Variants in NRXN3 observed in about 807,000 individuals in gnomAD.
NRXN3 encodes neurexin III.
NRXN3 carries 32 observed loss-of-function variants against 137.6 expected under a neutral mutation model. The observed-to-expected ratio is 0.23, with a 90% confidence interval of 0.18 to 0.31. NRXN3 has a LOEUF of 0.31. Ranked by LOEUF, NRXN3 falls within the 10% of genes least tolerant of loss-of-function variation. NRXN3 has a pLI of 1.00. For synonymous variants in NRXN3, 798 were observed against 784.5 expected, an observed-to-expected ratio of 1.02 and a Z score of -0.29; for missense variants, 1,574 against 2,062.5, an observed-to-expected ratio of 0.76 and a Z score of 4.59.
In NRXN3 at chr14:78,649,371, C is replaced by T. The variant is rs555699183; in HGVS notation, c.1060-1794C>T. ...TTTGCCGTGTGTTGCCCCCCTTTTC[C>T]TCTCCAACCCCCCCTTTTATCCTCT... On this transcript the variant is annotated intron_variant, in intron 5 of 20. Transcript: ENST00000335750. 4.8e-5 allele frequency: 31 copies of T among 643,852 alleles called. 2 individuals carry two copies. In the East Asian group the frequency reaches 1.9e-3, roughly 40 times the overall value. The allele number at this position is 643,852 out of a possible 1,614,324, so 39.9% of individuals were successfully genotyped here. A position where few individuals can be genotyped will look rare whatever the true frequency, so the allele number is the denominator to read the frequency against.
At chr14:78,354,657 A>G (rs2084010882) in intron 4 of NRXN3, among the ~76,000 whole-genome samples, 1 of 152,232 alleles carries the variant, frequency 6.6e-6, no homozygotes, top group East Asian at 1.9e-4. Flanking sequence ...CCCTGTTTCT[A>G]GAAGAGCTTA....
chr14:79,780,876 T>A (rs2099111542), intron 19 of NRXN3, among the ~76,000 whole-genome samples: 1 of 152,080 alleles, frequency 6.6e-6, no homozygotes, highest in Admixed American at 6.6e-5. Context: ...CTGCCAAAAA[T>A]GAGGAAATAT....
chr14:78,512,749 C>T (rs188294869), intron 4 of NRXN3, among the ~76,000 whole-genome samples: 77 of 152,162 alleles, frequency 5.1e-4, no homozygotes, highest in Non-Finnish European at 7.4e-5. Flanking sequence ...CAATTCCTGC[C>T]AAAGTTCTCC....
At chr14:78,492,782 TG>T (rs1386972271) in intron 4 of NRXN3, among the ~76,000 whole-genome samples, 1 of 152,180 alleles carries the variant, frequency 6.6e-6, no homozygotes, top group African/African-American at 2.4e-5. Flanking sequence ...TATCCTTCAT[TG>T]TTGTTTTAAA....
At chr14:78,617,031 T>G (rs1373455485) in intron 4 of NRXN3, among the ~76,000 whole-genome samples, 1 of 152,188 alleles carries the variant, frequency 6.6e-6, no homozygotes, top group Non-Finnish European at 1.5e-5. Flanking sequence ...CTAACCTAAA[T>G]AATCTCTGAT....
chr14:79,578,517 C>G (rs2097686430), intron 16 of NRXN3, among the ~76,000 whole-genome samples: 1 of 152,090 alleles, frequency 6.6e-6, no homozygotes, highest in Non-Finnish European at 1.5e-5. Flanking sequence ...ACTCACAACC[C>G]CCACCATAAG....
chr14:79,028,108 T>C (rs1315100198), intron 15 of NRXN3, among the ~76,000 whole-genome samples: 1 of 152,162 alleles, frequency 6.6e-6, no homozygotes, highest in Non-Finnish European at 1.5e-5. Flanking sequence ...AAGGATCCAA[T>C]AAATATTGGC....
In NRXN3 at chr14:78,866,766, C is replaced by A. The variant is rs115204897; in HGVS notation, c.2275+56422C>A. On this transcript the variant is annotated intron_variant, in intron 10 of 20. Transcript: ENST00000335750. The stretch of plus-strand genomic sequence containing the variant: ...AGAAGTATAAACAATAAAAATACTA[C>A]CATGTTGCATGCATGTATTACCTTC... Among the ~76,000 whole-genome samples, 337 of 151,304 alleles carry A rather than the reference C, an allele frequency of 2.2e-3. 2 individuals carry two copies. The highest frequency in any genetic ancestry group is 8.0e-3 in the African/African-American group (329 of 41,210).
At chr14:78,254,045 C>T (rs1161939387) in intron 2 of NRXN3, among the ~76,000 whole-genome samples, 1 of 152,184 alleles carries the variant, frequency 6.6e-6, no homozygotes, top group Admixed American at 6.5e-5. Flanking sequence ...CAGGAATTAA[C>T]CCTTGTGCCA....
intron 16 of NRXN3, among the ~76,000 whole-genome samples, chr14:79,493,573 T>C (rs74070215): frequency 0.037 from 5,615 of 152,304 alleles, 351 homozygotes; most frequent in African/African-American, 0.13. Context: ...TGAAGTCATC[T>C]TAAAGCTAGT....
At chr14:78,890,229 A>G (rs2099155113) in intron 10 of NRXN3, among the ~76,000 whole-genome samples, 1 of 152,006 alleles carries the variant, frequency 6.6e-6, no homozygotes, top group Non-Finnish European at 1.5e-5. Flanking sequence ...AGGATAATCT[A>G]CAAAATACAT....
At chr14:78,774,225 A>G (rs2098737977) in intron 8 of NRXN3, among the ~76,000 whole-genome samples, 1 of 152,348 alleles carries the variant, frequency 6.6e-6, no homozygotes, top group Admixed American at 6.5e-5. Flanking sequence ...TAGCGTTATG[A>G]TGGTTAAATG....
intron 1 of NRXN3, among the ~76,000 whole-genome samples, chr14:78,225,974 G>GTTGGTGTGTGT (rs1394081828): frequency 5.7e-5 from 7 of 123,632 alleles, no homozygotes; most frequent in African/African-American, 2.2e-4. Context: ...TGTGTGTGTT[G>GTTGGTGTGTGT]GTGTGTGTGT....
intron 1 of NRXN3, among the ~76,000 whole-genome samples, chr14:78,219,701 C>T (rs1304890047): frequency 6.6e-6 from 1 of 152,220 alleles, no homozygotes; most frequent in Non-Finnish European, 1.5e-5. Flanking sequence ...GAATCTGAAT[C>T]TAAGGAGCTT....
intron 6 of NRXN3, among the ~76,000 whole-genome samples, chr14:78,691,072 A>G (rs1010584481): frequency 6.6e-6 from 1 of 152,200 alleles, no homozygotes; most frequent in Admixed American, 6.5e-5. Flanking sequence ...TCAAAGAGTT[A>G]CTTGGAAAGT....
At chr14:79,065,079 CAT>C (rs568264558) in intron 15 of NRXN3, among the ~76,000 whole-genome samples, 7 of 150,800 alleles carry the variant, frequency 4.6e-5, no homozygotes, top group African/African-American at 1.5e-4. Flanking sequence ...TATTTACATG[CAT>C]ATATATATAT....
intron 10 of NRXN3, among the ~76,000 whole-genome samples, chr14:78,926,817 ATATT>A (rs1374091531): frequency 2.0e-5 from 1 of 50,600 alleles, no homozygotes; most frequent in Admixed American, 3.8e-4. Context: ...TATATATTAT[ATATT>A]ATATATAATT....
intron 10 of NRXN3, among the ~76,000 whole-genome samples, chr14:78,840,462 G>C (rs1032659532): frequency 1.5e-4 from 23 of 152,204 alleles, no homozygotes; most frequent in African/African-American, 5.5e-4. Context: ...CTAGAATACT[G>C]TTGGGATAGT....
chr14:79,575,825 A>C (rs1212186949), intron 16 of NRXN3, among the ~76,000 whole-genome samples: 1 of 152,156 alleles, frequency 6.6e-6, no homozygotes, highest in Non-Finnish European at 1.5e-5. Context: ...ATTTGTAAAT[A>C]TTTTCAATCA....
Sources: allele counts gnomAD v4.1 joint callset (sites outside exome capture counted in the v4.1 genomes callset), GRCh38; gene constraint gnomAD v4.1.1; transcripts MANE v1.5; gene names NCBI Gene and HGNC (gene_info 2026-07-23, HGNC 2026-07-21).